The following PDE8B variants were observed in gnomAD, a reference collection of about 807,000 sequenced individuals.
PDE8B encodes the protein phosphodiesterase 8B, also known as high affinity cAMP-specific and IBMX-insensitive 3',5'-cyclic phosphodiesterase 8B.
Under a neutral mutation model 101.3 loss-of-function variants are expected in PDE8B, and 26 were observed. The ratio of observed to expected loss-of-function variants is 0.26; its 90% CI spans 0.19 to 0.36. PDE8B has a LOEUF of 0.36. Ranked by LOEUF, PDE8B falls within the 10% of genes least tolerant of loss-of-function variation. PDE8B has a pLI of 1.00. For missense variants in PDE8B, 810 were observed against 1,163.1 expected (o/e 0.70, Z 4.42); for synonymous variants, 424 against 429.3 (o/e 0.99, Z 0.15).
At chr5:77,403,766 A>T (rs1361878929) in intron 11 of PDE8B, among the ~76,000 whole-genome samples, 1 of 151,958 alleles carries the variant, frequency 6.6e-6, no homozygotes, top group Non-Finnish European at 1.5e-5. Flanking sequence ...CACCTTTACT[A>T]GTTCAATAGT....
the PDE8B span, among the ~76,000 whole-genome samples, chr5:77,117,500 C>T: frequency 6.6e-6 from 1 of 152,140 alleles, no homozygotes; most frequent in Admixed American, 6.5e-5. Context: ...AACCACTTGC[C>T]TGATAGTATG....
intron 6 of PDE8B, among the ~76,000 whole-genome samples, chr5:77,339,130 A>G (rs866773426): frequency 2.0e-5 from 3 of 152,356 alleles, no homozygotes; most frequent in Non-Finnish European, 4.4e-5. Flanking sequence ...CCAGGGCACC[A>G]AAGACTTTTT....
At chr5:77,301,992 A>G (rs1185565359) in intron 1 of PDE8B, among the ~76,000 whole-genome samples, 2 of 152,088 alleles carry the variant, frequency 1.3e-5, no homozygotes, top group Non-Finnish European at 2.9e-5. Context: ...TGTGGATTAT[A>G]TTCTAGACCA....
intron 1 of PDE8B, among the ~76,000 whole-genome samples, chr5:77,263,915 C>T (rs543064574): frequency 1.4e-4 from 21 of 152,188 alleles, no homozygotes; most frequent in Non-Finnish European, 2.2e-4. Context: ...AAAGCCTCTA[C>T]ATTAGCAGTC....
At chr5:77,194,848 C>T in the PDE8B span, among the ~76,000 whole-genome samples, 1 of 152,138 alleles carries the variant, frequency 6.6e-6, no homozygotes, top group African/African-American at 2.4e-5. Context: ...TGTTGATGAA[C>T]ATTTGAACTA....
intron 5 of PDE8B, among the ~76,000 whole-genome samples, chr5:77,334,094 G>A (rs1777662104): frequency 6.6e-6 from 1 of 152,110 alleles, no homozygotes; most frequent in African/African-American, 2.4e-5. Flanking sequence ...TCCTTTTTTG[G>A]GCAAAATCCT....
the PDE8B span, among the ~76,000 whole-genome samples, chr5:77,108,020 G>A: frequency 2.0e-5 from 3 of 152,112 alleles, no homozygotes; most frequent in Admixed American, 6.6e-5. Flanking sequence ...GCTTCCTTCA[G>A]GGGTAGTTTG....
At chr5:77,296,816 C>T (rs1768680853) in intron 1 of PDE8B, among the ~76,000 whole-genome samples, 2 of 152,108 alleles carry the variant, frequency 1.3e-5, no homozygotes, top group African/African-American at 4.8e-5. Context: ...CTTGTTTCCC[C>T]TTTTCTTCTC....
chr5:77,291,762 A>G (rs1767408230), intron 1 of PDE8B: 13 of 1,582,450 alleles, frequency 8.2e-6, no homozygotes, highest in Admixed American at 1.7e-5. Flanking sequence ...TATCAACTAC[A>G]GTAAAGACTT....
intron 17 of PDE8B, among the ~76,000 whole-genome samples, chr5:77,417,490 TAATA>T (rs1795812529): frequency 1.3e-5 from 2 of 152,210 alleles, no homozygotes; most frequent in South Asian, 4.1e-4. Context: ...ACTCAATAAA[TAATA>T]AATTCCTAGC....
the PDE8B span, among the ~76,000 whole-genome samples, chr5:77,162,128 T>C: frequency 6.6e-6 from 1 of 152,042 alleles, no homozygotes; most frequent in Non-Finnish European, 1.5e-5. Context: ...TGTTTTTCTA[T>C]GTATCGCCAC....
intron 10 of PDE8B, among the ~76,000 whole-genome samples, chr5:77,364,202 T>C (rs1342747711): frequency 2.6e-5 from 4 of 152,144 alleles, no homozygotes; most frequent in African/African-American, 9.7e-5. Context: ...GTAATGTAAA[T>C]GGAGTAGTAA....
chr5:77,354,314 C>T (rs1781693121), intron 10 of PDE8B, among the ~76,000 whole-genome samples: 1 of 152,160 alleles, frequency 6.6e-6, no homozygotes, highest in South Asian at 2.1e-4. Context: ...AAGGGGTCCA[C>T]GTCCATGTGC....
the PDE8B span, among the ~76,000 whole-genome samples, chr5:77,173,640 G>A: frequency 3.9e-4 from 60 of 152,100 alleles, no homozygotes; most frequent in African/African-American, 1.4e-3. Flanking sequence ...TTTTTAATGT[G>A]AAGCCTACTA....
chr5:77,315,578 T>C (rs1773629447), intron 2 of PDE8B, among the ~76,000 whole-genome samples: 1 of 152,246 alleles, frequency 6.6e-6, no homozygotes, highest in African/African-American at 2.4e-5. Context: ...CCTATTTACA[T>C]GAATTACTTC....
rs747049229 is a variant in PDE8B at position 77,411,658 on chromosome 5, G to C, written c.1531-18G>C. The C allele has an allele frequency of 8.1e-6, 13 of 1,597,678 alleles. No individual in the cohort carries two copies. The South Asian group carries it at 1.4e-4, about 18-fold the overall frequency. On this transcript the variant is annotated intron_variant, in intron 14 of 21. Transcript: ENST00000264917. ...TAGATATAAAGCATGCTTCTAACAG[G>C]CTCTTCCTTTATTCCAGGACGGCTT...
the PDE8B span, chr5:77,118,726 A>G: frequency 1.6e-4 from 32 of 197,128 alleles, no homozygotes; most frequent in South Asian, 1.9e-4. Context: ...ATTCCCAGCC[A>G]GAGGTGCAGT....
At chr5:77,184,677 G>A in the PDE8B span, among the ~76,000 whole-genome samples, 2 of 152,064 alleles carry the variant, frequency 1.3e-5, no homozygotes, top group Non-Finnish European at 2.9e-5. Context: ...TGAAACCTCA[G>A]TAGCTTAAAA....
At chr5:77,180,967 C>CAT in the PDE8B span, among the ~76,000 whole-genome samples, 1 of 147,536 alleles carries the variant, frequency 6.8e-6, no homozygotes, top group Non-Finnish European at 1.5e-5. Context: ...GGTGTGTACA[C>CAT]GTGTGTGTGT....
Sources: allele counts gnomAD v4.1 joint callset (sites outside exome capture counted in the v4.1 genomes callset), GRCh38; gene constraint gnomAD v4.1.1; transcripts MANE v1.5; gene names NCBI Gene and HGNC (gene_info 2026-07-23, HGNC 2026-07-21).